UXS1: variants seen among roughly 807,000 people sequenced by gnomAD.
UXS1 encodes the protein UDP-glucuronic acid decarboxylase 1.
A neutral mutation model predicts 62.6 loss-of-function variants in UXS1; 33 were observed. That is an observed-to-expected ratio of 0.53 (90% CI 0.40 to 0.70). The LOEUF (loss-of-function observed/expected upper bound fraction) is 0.70. UXS1 is among the 30% of genes least tolerant of loss of function. UXS1 has a pLI of 0.00. For missense variants in UXS1, 434 were observed against 556.3 expected, an observed-to-expected ratio of 0.78 and a Z score of 2.21; for synonymous variants, 213 against 206.8, an observed-to-expected ratio of 1.03 and a Z score of -0.26.
chr2:106,181,229 C>T (rs1177014359), intron 1 of UXS1, among the ~76,000 whole-genome samples: 2 of 152,134 alleles, frequency 1.3e-5, no homozygotes, highest in Non-Finnish European at 2.9e-5. Context: ...CCTCAGCAGC[C>T]CTGTACTCTT....
At chr2:106,108,427 C>G (rs567207574) in intron 10 of UXS1, among the ~76,000 whole-genome samples, 1 of 152,328 alleles carries the variant, frequency 6.6e-6, no homozygotes, top group East Asian at 1.9e-4. Flanking sequence ...TCCATCTCCC[C>G]CACTTCAAGA....
intron 9 of UXS1, among the ~76,000 whole-genome samples, chr2:106,113,055 C>T (rs142032404): frequency 1.4e-3 from 210 of 152,226 alleles, no homozygotes; most frequent in Admixed American, 4.6e-3. Context: ...GGAGGAAAAA[C>T]GTGTATTTAT....
intron 9 of UXS1, among the ~76,000 whole-genome samples, chr2:106,117,821 C>A (rs924365060): frequency 6.6e-6 from 1 of 152,250 alleles, no homozygotes; most frequent in African/African-American, 2.4e-5. Flanking sequence ...GGGTTCTGCT[C>A]CCTACCTGTG....
At chr2:106,119,461 T>A in intron 9 of UXS1, among the ~76,000 whole-genome samples, 1 of 152,114 alleles carries the variant, frequency 6.6e-6, no homozygotes, top group Non-Finnish European at 1.5e-5. Flanking sequence ...GGGAATTAAC[T>A]GAGATTAAAC....
intron 5 of UXS1, among the ~76,000 whole-genome samples, chr2:106,147,988 T>C (rs1046131745): frequency 1.3e-5 from 2 of 152,226 alleles, no homozygotes; most frequent in African/African-American, 2.4e-5. Context: ...TCATGCTCGA[T>C]AGCTTTCATT....
intron 10 of UXS1, among the ~76,000 whole-genome samples, chr2:106,105,731 C>T (rs1573406902): frequency 6.6e-6 from 1 of 152,244 alleles, no homozygotes; most frequent in African/African-American, 2.4e-5. Context: ...CGGAGCGCCA[C>T]GGATCACGCC....
chr2:106,130,953 G>C (rs1028657524), intron 6 of UXS1, among the ~76,000 whole-genome samples: 1 of 152,146 alleles, frequency 6.6e-6, no homozygotes, highest in East Asian at 1.9e-4. Flanking sequence ...CAGCGTGAGC[G>C]ACGCAGAAGA....
intron 6 of UXS1, among the ~76,000 whole-genome samples, chr2:106,136,777 G>C (rs58958369): frequency 0.22 from 11,777 of 54,122 alleles, 1,365 homozygotes; most frequent in Non-Finnish European, 0.26. Context: ...TCGGGGGAGG[G>C]GGGAGGGATA....
chr2:106,170,767 G>A (rs1423418907), intron 1 of UXS1, among the ~76,000 whole-genome samples: 1 of 152,224 alleles, frequency 6.6e-6, no homozygotes, highest in African/African-American at 2.4e-5. Context: ...CTTTAGTTTT[G>A]TGTAGAGTAG....
chr2:106,147,680 AG>A (rs1476022308), intron 5 of UXS1, among the ~76,000 whole-genome samples: 3 of 152,198 alleles, frequency 2.0e-5, no homozygotes, highest in Non-Finnish European at 4.4e-5. Flanking sequence ...CCAATGTAAA[AG>A]CCCTATATAT....
chr2:106,179,125 A>G lies in UXS1; in HGVS notation c.95-13042T>C, dbSNP rs371805607. On this transcript the variant is annotated intron_variant, in intron 1 of 14. Transcript: ENST00000283148. ...CCCAGTCTCCCTCTGTGGCTCCATC[A>G]TGCATCAGGCACAGGTGAGGCACCC... Among the ~76,000 whole-genome samples, 13 of 152,182 alleles carry G rather than the reference A, an allele frequency of 8.5e-5. 1 individual carries two copies. Among genetic ancestry groups the G allele is most frequent in the Middle Eastern group, 6.8e-3 (2 of 294 alleles).
At chr2:106,127,303 T>C (rs576113999) in intron 7 of UXS1, among the ~76,000 whole-genome samples, 1 of 152,342 alleles carries the variant, frequency 6.6e-6, no homozygotes, top group Admixed American at 6.5e-5. Flanking sequence ...ACTTAGTTTT[T>C]TAAGAAAGCG....
chr2:106,182,736 C>T (rs1684323494), intron 1 of UXS1, among the ~76,000 whole-genome samples: 1 of 151,580 alleles, frequency 6.6e-6, no homozygotes, highest in Admixed American at 6.6e-5. Flanking sequence ...GAACATCTCC[C>T]CTCTTCACGC....
At chr2:106,169,985 T>C (rs1452327331) in intron 1 of UXS1, among the ~76,000 whole-genome samples, 1 of 152,178 alleles carries the variant, frequency 6.6e-6, no homozygotes, top group Non-Finnish European at 1.5e-5. Context: ...CCAGATCCAC[T>C]TCTGTGTCTC....
chr2:106,158,356 G>T (rs1682614128), intron 4 of UXS1, among the ~76,000 whole-genome samples: 1 of 152,186 alleles, frequency 6.6e-6, no homozygotes, highest in Non-Finnish European at 1.5e-5. Flanking sequence ...CTATCTCTGA[G>T]AAGCAAAAGC....
intron 1 of UXS1, among the ~76,000 whole-genome samples, chr2:106,169,753 A>G (rs1490707353): frequency 6.6e-6 from 1 of 152,190 alleles, no homozygotes; most frequent in Admixed American, 6.5e-5. Flanking sequence ...TCCATTTCAC[A>G]GCAGTGAAGG....
rs147663494 is a variant in UXS1 at position 106,187,592 on chromosome 2, T to C, written c.94+6556A>G. On this transcript the variant is annotated intron_variant, in intron 1 of 14. Transcript: ENST00000283148. ...CTAAGACACATAAAACACTCTTTCA[T>C]ATGGTTTTCAGGTTTTATCTCTTTT... Among the ~76,000 whole-genome samples, 14 of 152,326 alleles carry C rather than the reference T, an allele frequency of 9.2e-5. No homozygotes were observed. In the East Asian group the frequency reaches 2.7e-3, roughly 29 times the overall value.
intron 1 of UXS1, among the ~76,000 whole-genome samples, chr2:106,177,535 A>G (rs1173446574): frequency 1.3e-5 from 2 of 152,162 alleles, no homozygotes; most frequent in African/African-American, 4.8e-5. Context: ...GTATTTGTTT[A>G]TTTTAGAAGT....
intron 12 of UXS1, among the ~76,000 whole-genome samples, chr2:106,099,239 C>T (rs1014265537): frequency 5.3e-5 from 8 of 152,128 alleles, no homozygotes; most frequent in African/African-American, 1.7e-4. Context: ...GGCTCACAGG[C>T]GAGTGTCCCC....
Sources: gnomAD v4.1 joint callset for allele counts (sites outside exome capture counted in the v4.1 genomes callset) on GRCh38, gnomAD v4.1.1 for gene constraint, MANE v1.5 for transcripts, NCBI Gene and HGNC (gene_info 2026-07-23, HGNC 2026-07-21) for gene names.